Variants in LOC400499 observed in about 807,000 individuals in gnomAD.
the LOC400499 span, chr16:11,390,515 C>A: frequency 8.2e-7 from 1 of 1,220,692 alleles, no homozygotes. Context: ...GGTCAGAGAA[C>A]CAGCCCTGCC....
At chr16:11,438,568 C>A in the LOC400499 span, among the ~76,000 whole-genome samples, 1 of 125,562 alleles carries the variant, frequency 8.0e-6, no homozygotes, top group South Asian at 2.5e-4. Flanking sequence ...CCCAGGAGCT[C>A]AAGGCCAGCC....
chr16:11,387,291 G>A, the LOC400499 span: 42 of 1,232,202 alleles, frequency 3.4e-5, no homozygotes, highest in Middle Eastern at 6.2e-4. Flanking sequence ...ACCACTGAGC[G>A]GTTCCTGCAG....
At chr16:11,421,241 G>A in the LOC400499 span, among the ~76,000 whole-genome samples, 4 of 152,146 alleles carry the variant, frequency 2.6e-5, no homozygotes, top group South Asian at 2.1e-4. Context: ...GGGCAGAGCT[G>A]GGAAAACTGA....
chr16:11,477,220 C>T, the LOC400499 span, among the ~76,000 whole-genome samples: 5 of 152,334 alleles, frequency 3.3e-5, no homozygotes, highest in South Asian at 2.1e-4. Context: ...ATGTGAATCC[C>T]GGGTGTCTAA....
At chr16:11,523,341 C>A in the LOC400499 span, 5 of 398,446 alleles carry the variant, frequency 1.3e-5, no homozygotes, top group South Asian at 6.4e-4. Flanking sequence ...CTTACAGCTT[C>A]ACTCCCATTG....
the LOC400499 span, among the ~76,000 whole-genome samples, chr16:11,466,444 G>A: frequency 6.6e-6 from 1 of 151,638 alleles, no homozygotes; most frequent in African/African-American, 2.4e-5. Context: ...CTGCAGTAAA[G>A]TGGCGTGATC....
At chr16:11,466,910 GTA>G in the LOC400499 span, among the ~76,000 whole-genome samples, 4,045 of 139,000 alleles carry the variant, frequency 0.029, 196 homozygotes, top group East Asian at 0.2. Context: ...GTGTACGTAC[GTA>G]TATGTGTATT....
chr16:11,443,268 G>A, the LOC400499 span: 6 of 314,918 alleles, frequency 1.9e-5, no homozygotes, highest in East Asian at 1.1e-4. Context: ...AGGTTGCAAT[G>A]AGCCGACATT....
the LOC400499 span, among the ~76,000 whole-genome samples, chr16:11,510,596 A>G: frequency 6.6e-6 from 1 of 151,448 alleles, no homozygotes; most frequent in Admixed American, 6.6e-5. Context: ...CCCATCAATG[A>G]TTTCCCCCTC....
the LOC400499 span, among the ~76,000 whole-genome samples, chr16:11,412,572 G>A: frequency 2.0e-5 from 3 of 152,258 alleles, no homozygotes; most frequent in South Asian, 6.2e-4. Context: ...CCTAAGGGCA[G>A]TAATAGTTAT....
chr16:11,415,699 G>C, the LOC400499 span, among the ~76,000 whole-genome samples: 3 of 152,192 alleles, frequency 2.0e-5, no homozygotes, highest in Non-Finnish European at 2.9e-5. Context: ...AGGAGGTAGG[G>C]ACAACAGACT....
chr16:11,414,040 G>C, the LOC400499 span, among the ~76,000 whole-genome samples: 1 of 152,200 alleles, frequency 6.6e-6, no homozygotes, highest in Non-Finnish European at 1.5e-5. Flanking sequence ...GCACAGGGCA[G>C]GGCTTGACAA....
the LOC400499 span, among the ~76,000 whole-genome samples, chr16:11,463,535 T>C: frequency 6.6e-6 from 1 of 152,206 alleles, no homozygotes; most frequent in Non-Finnish European, 1.5e-5. Context: ...TGTGTCTGTA[T>C]GTAGACATGT....
chr16:11,483,596 T>A, the LOC400499 span, among the ~76,000 whole-genome samples: 1 of 151,942 alleles, frequency 6.6e-6, no homozygotes, highest in Non-Finnish European at 1.5e-5. Flanking sequence ...GCAAGCGCAG[T>A]GGCTCACACT....
the LOC400499 span, chr16:11,425,109 G>A: frequency 2.5e-6 from 1 of 398,964 alleles, no homozygotes; most frequent in Non-Finnish European, 4.4e-6. Flanking sequence ...TGTTCTGCCT[G>A]GACCACTCGT....
At chr16:11,431,508 C>T in the LOC400499 span, among the ~76,000 whole-genome samples, 479 of 152,246 alleles carry the variant, frequency 3.1e-3, 5 homozygotes, top group African/African-American at 0.011. Flanking sequence ...TGGGTTCAAG[C>T]GATTCTCCTG....
the LOC400499 span, among the ~76,000 whole-genome samples, chr16:11,386,638 G>A: frequency 1.6e-4 from 25 of 152,186 alleles, no homozygotes; most frequent in African/African-American, 2.9e-4. Flanking sequence ...TACATTTCAC[G>A]GTGGAGCAAA....
At chr16:11,451,969 G>A in the LOC400499 span, among the ~76,000 whole-genome samples, 1 of 152,170 alleles carries the variant, frequency 6.6e-6, no homozygotes, top group Non-Finnish European at 1.5e-5. Flanking sequence ...ACGGATCCCT[G>A]GAGAGCCAGG....
chr16:11,462,172 C>T, the LOC400499 span: 2 of 1,533,906 alleles, frequency 1.3e-6, no homozygotes, highest in Non-Finnish European at 1.7e-6. Context: ...AGAAGGCCAG[C>T]TTGCTGCCCA....
Sources: gnomAD v4.1 joint callset for allele counts (sites outside exome capture counted in the v4.1 genomes callset) on GRCh38, gnomAD v4.1.1 for gene constraint, MANE v1.5 for transcripts.